SMCHD1: variants seen among roughly 807,000 people sequenced by gnomAD.
The protein encoded by SMCHD1 is structural maintenance of chromosomes flexible hinge domain-containing protein 1.
Under a neutral mutation model 254.7 loss-of-function variants are expected in SMCHD1, and 78 were observed. The observed-to-expected ratio is 0.31, with a 90% CI of 0.26 to 0.37. The LOEUF is 0.37. SMCHD1 is among the 10% of genes least tolerant of loss of function. The pLI, the probability that SMCHD1 is intolerant of heterozygous loss-of-function variation, is 1.00. For missense variants in SMCHD1, 1,840 were observed against 2,408.1 expected (o/e 0.76, Z 4.94); for synonymous variants, 766 against 794.9 (o/e 0.96, Z 0.61).
chr18:2,678,279 C>CTT (rs2073815426), intron 5 of SMCHD1, among the ~76,000 whole-genome samples: 2 of 127,778 alleles, frequency 1.6e-5, no homozygotes, highest in African/African-American at 6.5e-5. Flanking sequence ...CTCTCCCTCT[C>CTT]TCTCTTTCTT....
At chr18:2,771,898 T>C (rs1021714826) in intron 40 of SMCHD1, among the ~76,000 whole-genome samples, 1 of 152,198 alleles carries the variant, frequency 6.6e-6, no homozygotes, top group Non-Finnish European at 1.5e-5. Context: ...CTACACGTGA[T>C]GGTAAACAAA....
intron 15 of SMCHD1, among the ~76,000 whole-genome samples, chr18:2,706,716 T>A (rs2074523222): frequency 6.6e-6 from 1 of 152,224 alleles, no homozygotes; most frequent in African/African-American, 2.4e-5. Context: ...ATAGGCACTA[T>A]GATTAACATG....
chr18:2,775,327 C>T (rs77614222), intron 41 of SMCHD1, among the ~76,000 whole-genome samples: 2 of 121,336 alleles, frequency 1.6e-5, no homozygotes, highest in Non-Finnish European at 3.6e-5. Context: ...TTATGTTTAA[C>T]TGCATTATTT....
Position 2,767,382 on chromosome 18 carries a change from GA to G in SMCHD1, c.4720-2303del, listed in dbSNP as rs199974091. ...AGGTTTATTATCTGATTCTGTAGTAGAAAAAAAAAGTTTTTAAGGTAGTAAA... is the reference window on the plus strand; with the variant it reads ...AGGTTTATTATCTGATTCTGTAGTAGAAAAAAAAGTTTTTAAGGTAGTAAA... On this transcript the variant is annotated intron_variant, in intron 37 of 47. Coordinates refer to ENST00000320876, the MANE Select transcript of SMCHD1 (RefSeq NM_015295.3). Among the ~76,000 whole-genome samples, 920 of 151,096 alleles carry G rather than the reference GA, an allele frequency of 6.1e-3. 8 individuals are homozygous for G. The highest frequency in any genetic ancestry group is 6.2e-3 in the Non-Finnish European group (422 of 67,742).
intron 32 of SMCHD1, 27 bp from the exon 33 acceptor site, chr18:2,751,251 A>T: frequency 3.1e-6 from 4 of 1,283,698 alleles, no homozygotes; most frequent in Non-Finnish European, 4.4e-6. Flanking sequence ...CTAGAAAGAG[A>T]TAATTTTTTA....
intron 41 of SMCHD1, among the ~76,000 whole-genome samples, chr18:2,773,287 G>GA (rs1161043597): frequency 1.3e-5 from 2 of 152,036 alleles, no homozygotes; most frequent in Non-Finnish European, 1.5e-5. Flanking sequence ...CCAATTTTTA[G>GA]AAAAAAGCAG....
At chr18:2,735,518 C>G (rs1434127865) in intron 25 of SMCHD1, among the ~76,000 whole-genome samples, 1 of 152,052 alleles carries the variant, frequency 6.6e-6, no homozygotes, top group Non-Finnish European at 1.5e-5. Context: ...GATTCTATAC[C>G]TAGAAAACAC....
intron 44 of SMCHD1, among the ~76,000 whole-genome samples, chr18:2,781,691 A>G (rs2143802098): frequency 6.6e-6 from 1 of 152,346 alleles, no homozygotes; most frequent in South Asian, 2.1e-4. Context: ...AAAAAATCAA[A>G]TAGAGCTTCT....
At chr18:2,766,184 G>A (rs1442205350) in intron 37 of SMCHD1, among the ~76,000 whole-genome samples, 4 of 152,030 alleles carry the variant, frequency 2.6e-5, no homozygotes, top group Admixed American at 2.0e-4. Flanking sequence ...TAGTAGCGAC[G>A]GGGTTTCACC....
At position 2,705,760 on chromosome 18, in the gene SMCHD1, C is replaced by T; in HGVS notation, c.1909C>T (p.His637Tyr). The change falls in exon 14 of 48, where the codon CAT (histidine) becomes TAT (tyrosine). Residue 637 changes from histidine to tyrosine, a missense_variant. By Grantham distance (83) the His-to-Tyr change is moderately conservative (BLOSUM62 2). This residue lies in a region of SMCHD1 where 498 missense variants were observed against 743.5 expected (regional missense o/e 0.67). Coordinates refer to ENST00000320876, the MANE Select transcript of SMCHD1 (RefSeq NM_015295.3). Reference protein sequence around the residue: ...SIVRFFLYGDHDGEVYATGGE... With the variant: ...SIVRFFLYGDYDGEVYATGGE... Reference sequence around the variant, plus strand: ...AGTAAGATTTTTTCTTTATGGCGATCATGATGGAGAAGTATATGCTACAGG... The same window carrying T: ...AGTAAGATTTTTTCTTTATGGCGATTATGATGGAGAAGTATATGCTACAGG... 6.2e-7 allele frequency: 1 copy of T among 1,608,474 alleles called. No homozygotes were observed. Among genetic ancestry groups the T allele is most frequent in the South Asian group, 1.1e-5 (1 of 90,592 alleles).
At chr18:2,740,553 A>T (rs1465558842) in intron 27 of SMCHD1, 150 bp from the exon 28 acceptor site, 9 of 385,814 alleles carry the variant, frequency 2.3e-5, no homozygotes, top group Non-Finnish European at 3.2e-5. Context: ...TCGTGAATTT[A>T]AAAAATGAGT....
chr18:2,688,534 G>T (rs776173432), intron 6 of SMCHD1, 26 bp downstream of exon 6: 2 of 1,600,586 alleles, frequency 1.2e-6, no homozygotes, highest in South Asian at 2.2e-5. Context: ...TCTTATAAAT[G>T]AAAGTTGATC....
intron 40 of SMCHD1, 85 bp downstream of exon 40, chr18:2,771,703 C>T: frequency 9.2e-7 from 1 of 1,085,670 alleles, no homozygotes; most frequent in Non-Finnish European, 1.3e-6. Context: ...ATTAGGAATT[C>T]TGAGTATTGT....
At chr18:2,735,830 C>G (rs2075237876) in intron 25 of SMCHD1, among the ~76,000 whole-genome samples, 1 of 152,080 alleles carries the variant, frequency 6.6e-6, no homozygotes, top group Non-Finnish European at 1.5e-5. Flanking sequence ...ACTAGTACTG[C>G]CCAAAGCAAT....
At chr18:2,702,837 A>G (rs935298706) in intron 12 of SMCHD1, among the ~76,000 whole-genome samples, 1 of 152,216 alleles carries the variant, frequency 6.6e-6, no homozygotes, top group Non-Finnish European at 1.5e-5. Context: ...ATGGTATATT[A>G]TGGTATAAGG....
intron 31 of SMCHD1, 99 bp downstream of exon 31, chr18:2,750,221 T>C (rs2075545469): frequency 7.1e-7 from 1 of 1,410,982 alleles, no homozygotes. Flanking sequence ...TGTTTAATGT[T>C]AGGCAAGAGT....
In SMCHD1 at chr18:2,656,091, G is replaced by A; in HGVS notation, c.16G>A (p.Gly6Ser). The change falls in exon 1 of 48, where the codon GGC becomes AGC. Residue 6 changes from glycine to serine, a missense_variant. Transcript: ENST00000320876. MAAADGGGPGGASVGT... is the reference protein window; with the variant it reads MAAADSGGPGGASVGT... ...TTTCCCCAATATGGCAGCGGCGGAC[G>A]GCGGCGGGCCTGGTGGGGCCTCTGT... is the stretch of plus-strand genomic sequence containing the variant. 1 of 1,403,780 alleles carries A rather than the reference G, an allele frequency of 7.1e-7. No homozygotes were observed. The highest frequency in any genetic ancestry group is 9.3e-7 in the Non-Finnish European group (1 of 1,076,460). 87.0% of individuals were successfully genotyped at this position (1,403,780 alleles called of 1,614,324 possible).
intron 44 of SMCHD1, among the ~76,000 whole-genome samples, chr18:2,784,149 G>T (rs2076203309): frequency 6.6e-6 from 1 of 152,132 alleles, no homozygotes; most frequent in South Asian, 2.1e-4. Context: ...ACTGCCATGG[G>T]TTCCAAAGCA....
intron 44 of SMCHD1, among the ~76,000 whole-genome samples, chr18:2,781,941 T>C (rs2076163504): frequency 6.6e-6 from 1 of 152,174 alleles, no homozygotes; most frequent in Admixed American, 6.6e-5. Flanking sequence ...ATAGGCAATA[T>C]TTGAAGAACT....
Sources: gnomAD v4.1 joint callset for allele counts (sites outside exome capture counted in the v4.1 genomes callset) on GRCh38, gnomAD v4.1.1 for gene constraint, gnomAD v4.1.1 regional missense constraint, MANE v1.5 for transcripts, NCBI Gene and HGNC (gene_info 2026-07-23, HGNC 2026-07-21) for gene names.